INTS7: variants seen among roughly 807,000 people sequenced by gnomAD.
INTS7 encodes the protein chromosome 1 open reading frame 73.
Under a neutral mutation model 109.2 loss-of-function variants are expected in INTS7, and 46 were observed. The observed-to-expected ratio is 0.42, with a 90% CI of 0.33 to 0.54. INTS7 has a LOEUF of 0.54. Ranked by LOEUF, INTS7 falls within the 20% of genes least tolerant of loss-of-function variation. The probability of loss-of-function intolerance (pLI) is 0.07; values close to 1 mark genes in which losing one functional copy is unlikely to be tolerated. For missense variants in INTS7, 929 were observed against 1,132.4 expected, an observed-to-expected ratio of 0.82 and a Z score of 2.58; for synonymous variants, 412 against 402.9, an observed-to-expected ratio of 1.02 and a Z score of -0.27.
chr1:212,015,872 G>T (rs1177514192), intron 4 of INTS7, among the ~76,000 whole-genome samples: 1 of 151,516 alleles, frequency 6.6e-6, no homozygotes, highest in Non-Finnish European at 1.5e-5. Context: ...ATCTTACCAA[G>T]ATTTTGATAT....
At chr1:212,012,678 C>A (rs1666212185) in intron 4 of INTS7, among the ~76,000 whole-genome samples, 1 of 152,180 alleles carries the variant, frequency 6.6e-6, no homozygotes, top group African/African-American at 2.4e-5. Flanking sequence ...ACTGTTTCTA[C>A]ATAAACTGCT....
At chr1:212,033,358 T>C (rs1288810793) in intron 1 of INTS7, among the ~76,000 whole-genome samples, 3 of 152,210 alleles carry the variant, frequency 2.0e-5, no homozygotes, top group Non-Finnish European at 2.9e-5. Context: ...TAAAAGTTAC[T>C]ACAGATGAGA....
rs149674423 is a variant in INTS7 at position 212,020,713 on chromosome 1, G to T, written c.224+370C>A. On this transcript the variant is annotated intron_variant, in intron 2 of 19. Coordinates refer to ENST00000366994, the MANE Select transcript of INTS7 (RefSeq NM_015434.4). The stretch of plus-strand genomic sequence containing the variant: ...GAAAAAGCAAATAGGCATGTATTCA[G>T]TGCTTACATGTTTCAGGTACTTCAC... The T allele has an allele frequency of 3.8e-3, 3,836 of 1,010,504 alleles. 10 individuals are homozygous for T. The highest frequency in any genetic ancestry group is 4.2e-3 in the Non-Finnish European group (3,588 of 845,176). The allele number at this position is 1,010,504 out of a possible 1,614,324, so 62.6% of individuals were successfully genotyped here.
intron 17 of INTS7, among the ~76,000 whole-genome samples, chr1:211,948,697 G>A (rs545283261): frequency 1.2e-4 from 18 of 151,982 alleles, no homozygotes; most frequent in African/African-American, 3.6e-4. Flanking sequence ...AGACGTTAAC[G>A]CTTTTTGTTT....
At chr1:212,020,004 T>C (rs993391656) in intron 3 of INTS7, 118 bp downstream of exon 3, 1 of 696,600 alleles carries the variant, frequency 1.4e-6, no homozygotes, top group Non-Finnish European at 2.2e-6. Flanking sequence ...TGACTCTTAG[T>C]CAAAAAAACA....
rs201355247 is a variant in INTS7, at chr1:211,968,368, A to AT, written c.2010+144dup. ...TATCTTTCTAATAACACATCAGCCT[A>AT]TTTTTTAGCCAGACAGTTGAGTGAA... On this transcript the variant is annotated intron_variant, in intron 14 of 19. Coordinates refer to ENST00000366994, the MANE Select transcript of INTS7 (RefSeq NM_015434.4). 3.9e-5 allele frequency: 26 copies of AT among 659,268 alleles called. No homozygotes were observed. The East Asian group carries it at 7.1e-4, about 18-fold the overall frequency. 40.8% of individuals were successfully genotyped at this position (659,268 alleles called of 1,614,324 possible).
rs143997968 is a variant in INTS7 at position 211,942,253 on chromosome 1, T to C, written c.2602-142A>G. On this transcript the variant is annotated intron_variant, in intron 19 of 19. Transcript: ENST00000366994. The surrounding 1 kb of genome is among the most constrained non-coding windows in gnomAD (Gnocchi z 4.2). ...ACTGCTATCATCCTTGCTTCACCGATGAGGAGTCTAAGGCAGACAGGTTAA... is the reference window on the plus strand; with the variant it reads ...ACTGCTATCATCCTTGCTTCACCGACGAGGAGTCTAAGGCAGACAGGTTAA... 274 of 853,904 alleles carry C rather than the reference T, an allele frequency of 3.2e-4. 1 individual carries two copies. In the African/African-American group the frequency reaches 4.2e-3, roughly 13 times the overall value. The allele number at this position is 853,904 out of a possible 1,614,324, so 52.9% of individuals were successfully genotyped here. A position where few individuals can be genotyped will look rare whatever the true frequency, so the allele number is the denominator to read the frequency against.
chr1:211,952,767 C>T, intron 16 of INTS7, 66 bp from the exon 17 acceptor site: 1 of 1,261,604 alleles, frequency 7.9e-7, no homozygotes, highest in East Asian at 2.4e-5. Flanking sequence ...CTACATGTAT[C>T]AGGTACTTTC....
chr1:211,966,625 C>T (rs940845096), intron 15 of INTS7, 127 bp from the exon 16 acceptor site: 8 of 623,588 alleles, frequency 1.3e-5, no homozygotes, highest in African/African-American at 1.1e-4. Flanking sequence ...GTTATCAACT[C>T]GAATGGTCTG....
rs1283294741 is a variant in INTS7, at chr1:211,976,594, C to T, written c.1596G>A (p.Gln532=). Residue 532 remains glutamine (Q), a synonymous_variant, in exon 12 of 20, where the codon CAG becomes CAA. Transcript: ENST00000366994. The stretch of plus-strand genomic sequence containing the variant: ...GGGTAACACATACCATTCTGGAAGC[C>T]TGTCTGGCAATACGGTATACAGTCC... ...NGWTVYRIAR[Q]ASRMGNHDMA... The T allele has an allele frequency of 6.2e-7, 1 of 1,613,746 alleles. No individual in the cohort carries two copies. The highest frequency in any genetic ancestry group is 2.2e-5 in the East Asian group (1 of 44,874).
At chr1:212,030,806 C>A (rs895560075) in intron 1 of INTS7, 1 of 152,144 alleles carries the variant, frequency 6.6e-6, no homozygotes, top group Non-Finnish European at 1.5e-5. Context: ...CCAAAGGCCT[C>A]ATATTTGTTT....
In INTS7 at chr1:212,006,703, G is replaced by C. The variant is rs769698736; in HGVS notation, c.815C>G (p.Ala272Gly). The change falls in exon 7 of 20, where the codon GCT becomes GGT. Residue 272 changes from alanine (A) to glycine (G), a missense_variant. Ala to Gly is a moderately conservative substitution (Grantham distance 60, BLOSUM62 0). Around this residue, in one of 2 missense-constraint regions of INTS7, gnomAD observed 787 missense variants for 901.1 expected, o/e 0.87. Transcript: ENST00000366994. ...AGCAAGTAATTTCAGATCTTGAATA[G>C]CAAGTCTCTTTACTGCCTTCCTGGG... ...NDPRKAVKRL[A>G]IQDLKLLANK... The C allele has an allele frequency of 1.3e-6, 2 of 1,599,254 alleles. No individual in the cohort carries two copies. The highest frequency in any genetic ancestry group is 1.7e-6 in the Non-Finnish European group (2 of 1,168,294).
intron 7 of INTS7, among the ~76,000 whole-genome samples, chr1:211,995,684 T>G (rs1245239213): frequency 6.6e-6 from 1 of 152,214 alleles, no homozygotes; most frequent in Non-Finnish European, 1.5e-5. Context: ...CGAAAATTCC[T>G]ATGCTGAAAT....
intron 6 of INTS7, 82 bp downstream of exon 6, chr1:212,007,168 G>C: frequency 1.0e-6 from 1 of 993,448 alleles, no homozygotes; most frequent in Non-Finnish European, 1.5e-6. Context: ...CTCAAGACTT[G>C]TGGGCCACTT....
Position 212,011,696 on chromosome 1 carries a change from C to T in INTS7, c.510-275G>A, listed in dbSNP as rs532035075. ...GTTATTTTTTCATAACACTAACAAGCATCTGAAATTATTTTGTGTTTATAT... is the reference window on the plus strand; with the variant it reads ...GTTATTTTTTCATAACACTAACAAGTATCTGAAATTATTTTGTGTTTATAT... On this transcript the variant is annotated intron_variant, in intron 4 of 19. Coordinates refer to ENST00000366994, the MANE Select transcript of INTS7 (RefSeq NM_015434.4). 2.7e-5 allele frequency: 9 copies of T among 333,644 alleles called. No homozygotes were observed. In the South Asian group the frequency reaches 6.9e-4, roughly 26 times the overall value. The allele number at this position is 333,644 out of a possible 1,614,324, so 20.7% of individuals were successfully genotyped here. A position where few individuals can be genotyped will look rare whatever the true frequency, so the allele number is the denominator to read the frequency against.
At chr1:212,011,545 C>A in intron 4 of INTS7, 124 bp from the exon 5 acceptor site, 1 of 662,920 alleles carries the variant, frequency 1.5e-6, no homozygotes, top group East Asian at 2.7e-5. Context: ...AACTAATATT[C>A]CAAGGTCAGG....
chr1:211,996,036 T>A (rs1253498582), intron 7 of INTS7, among the ~76,000 whole-genome samples: 1 of 152,180 alleles, frequency 6.6e-6, no homozygotes, highest in East Asian at 1.9e-4. Flanking sequence ...CTATCAAAAT[T>A]TCACACACTG....
At chr1:212,021,019 C>A in intron 2 of INTS7, 64 bp downstream of exon 2, 5 of 1,449,760 alleles carry the variant, frequency 3.4e-6, no homozygotes, top group Non-Finnish European at 1.9e-6. Context: ...AGAAAAAGAC[C>A]ACAATATAAA....
intron 16 of INTS7, among the ~76,000 whole-genome samples, chr1:211,952,918 C>A (rs1663167571): frequency 6.6e-6 from 1 of 152,192 alleles, no homozygotes; most frequent in African/African-American, 2.4e-5. Flanking sequence ...CCAGGTCTGA[C>A]TTCAAGTTAT....
Sources: allele counts gnomAD v4.1 joint callset (sites outside exome capture counted in the v4.1 genomes callset), GRCh38; gene constraint gnomAD v4.1.1; regional missense constraint gnomAD v4.1.1; non-coding constraint Gnocchi (gnomAD v3.1); transcripts MANE v1.5; gene names NCBI Gene and HGNC (gene_info 2026-07-23, HGNC 2026-07-21).